TPD52L1: variants seen among roughly 807,000 people sequenced by gnomAD.
TPD52L1 encodes tumor protein D53.
In TPD52L1, 18 loss-of-function variants were observed where a neutral mutation model predicts 28.7. The observed-to-expected ratio is 0.63, with a 90% CI of 0.43 to 0.93. The LOEUF (loss-of-function observed/expected upper bound fraction) is 0.93. Ranked by LOEUF, TPD52L1 falls within the 40% of genes least tolerant of loss-of-function variation. The probability of loss-of-function intolerance (pLI) is 0.00; values close to 1 mark genes in which losing one functional copy is unlikely to be tolerated. For missense variants in TPD52L1, 203 were observed against 254.8 expected (o/e 0.80, Z 1.39); for synonymous variants, 75 against 88.8 (o/e 0.84, Z 0.88).
chr6:125,249,288 A>C (rs1797108469), intron 4 of TPD52L1, among the ~76,000 whole-genome samples: 1 of 151,984 alleles, frequency 6.6e-6, no homozygotes, highest in Non-Finnish European at 1.5e-5. Context: ...ATTCTTTAAA[A>C]ACTTTTCGAG....
intron 1 of TPD52L1, among the ~76,000 whole-genome samples, chr6:125,202,226 C>T (rs910549976): frequency 4.6e-5 from 7 of 152,022 alleles, no homozygotes; most frequent in Non-Finnish European, 1.0e-4. Flanking sequence ...TTTCTTTAAA[C>T]ATGCCTTGAA....
intron 1 of TPD52L1, among the ~76,000 whole-genome samples, chr6:125,214,666 C>A (rs941193712): frequency 2.6e-5 from 4 of 152,110 alleles, no homozygotes; most frequent in Non-Finnish European, 5.9e-5. Flanking sequence ...CTTTGTGTTT[C>A]TTTAACTTCT....
At chr6:125,235,510 G>A (rs1355041408) in intron 3 of TPD52L1, among the ~76,000 whole-genome samples, 1 of 152,202 alleles carries the variant, frequency 6.6e-6, no homozygotes, top group Non-Finnish European at 1.5e-5. Flanking sequence ...GGCCACATGT[G>A]ACCCATAGGC....
intron 3 of TPD52L1, among the ~76,000 whole-genome samples, chr6:125,239,455 A>AT (rs1796489368): frequency 6.6e-6 from 1 of 152,212 alleles, no homozygotes; most frequent in Non-Finnish European, 1.5e-5. Flanking sequence ...GAAAGAGAGA[A>AT]TGAGAGCCAA....
At chr6:125,250,617 A>G (rs967511524) in intron 4 of TPD52L1, among the ~76,000 whole-genome samples, 2 of 152,216 alleles carry the variant, frequency 1.3e-5, no homozygotes, top group African/African-American at 4.8e-5. Context: ...TATTTCATAA[A>G]GGCCCTGCTC....
chr6:125,226,824 G>T (rs1795638456), intron 2 of TPD52L1, among the ~76,000 whole-genome samples: 1 of 151,958 alleles, frequency 6.6e-6, no homozygotes, highest in Admixed American at 6.6e-5. Context: ...AGAAATATTG[G>T]GCAGCAGATT....
chr6:125,239,751 T>A (rs991063599), intron 3 of TPD52L1, among the ~76,000 whole-genome samples: 1 of 152,228 alleles, frequency 6.6e-6, no homozygotes, highest in Non-Finnish European at 1.5e-5. Context: ...GTTTGTCAGA[T>A]GCATAGTTTG....
chr6:125,179,170 A>C (rs1562229090), intron 1 of TPD52L1, among the ~76,000 whole-genome samples: 2 of 152,194 alleles, frequency 1.3e-5, no homozygotes, highest in Admixed American at 1.3e-4. Flanking sequence ...TGTGGACACA[A>C]TTTTCCCAGT....
intron 1 of TPD52L1, among the ~76,000 whole-genome samples, chr6:125,167,334 C>T (rs961638482): frequency 1.3e-5 from 2 of 152,050 alleles, no homozygotes; most frequent in Non-Finnish European, 2.9e-5. Context: ...CCTTTCAGCA[C>T]GCATCATTTG....
At chr6:125,172,528 A>ATATATATAT (rs1554202617) in intron 1 of TPD52L1, among the ~76,000 whole-genome samples, 5 of 83,464 alleles carry the variant, frequency 6.0e-5, no homozygotes, top group Non-Finnish European at 6.8e-5. Context: ...ATATATATAT[A>ATATATATAT]TATATATATA....
intron 4 of TPD52L1, among the ~76,000 whole-genome samples, chr6:125,251,134 G>GA (rs1266850105): frequency 2.0e-5 from 3 of 151,972 alleles, no homozygotes; most frequent in African/African-American, 2.4e-5. Context: ...CCTTAAATGG[G>GA]AAAAAATAGT....
At chr6:125,199,396 T>G (rs1177261618) in intron 1 of TPD52L1, among the ~76,000 whole-genome samples, 2 of 152,134 alleles carry the variant, frequency 1.3e-5, no homozygotes, top group African/African-American at 4.8e-5. Flanking sequence ...CAAATGAAAG[T>G]AAAAGAGGCC....
At chr6:125,253,425 G>C in intron 4 of TPD52L1, 1 of 441,694 alleles carries the variant, frequency 2.3e-6, no homozygotes. Context: ...ATGGGCTACT[G>C]GGCTCACCTG....
chr6:125,259,389 AAATTCT>A (rs1235172766), intron 6 of TPD52L1, among the ~76,000 whole-genome samples: 18 of 152,324 alleles, frequency 1.2e-4, no homozygotes, highest in Non-Finnish European at 2.2e-4. Context: ...TCTTTACACC[AAATTCT>A]GTAGTTTGTT....
intron 1 of TPD52L1, among the ~76,000 whole-genome samples, chr6:125,213,577 A>C (rs576937808): frequency 3.7e-4 from 57 of 152,218 alleles, no homozygotes; most frequent in African/African-American, 1.4e-3. Flanking sequence ...TGGTAACCCC[A>C]GCCCCTGATG....
At chr6:125,203,528 G>A (rs2114906146) in intron 1 of TPD52L1, 1 of 564,208 alleles carries the variant, frequency 1.8e-6, no homozygotes, top group Middle Eastern at 8.8e-4. Flanking sequence ...AATTGGAGGA[G>A]CTGAGGATAT....
At chr6:125,239,084 T>A (rs1411591786) in intron 3 of TPD52L1, among the ~76,000 whole-genome samples, 1 of 152,218 alleles carries the variant, frequency 6.6e-6, no homozygotes, top group Non-Finnish European at 1.5e-5. Context: ...TAGTTTACAT[T>A]CCCACCAGCA....
chr6:125,178,573 A>T (rs1204513554), intron 1 of TPD52L1, among the ~76,000 whole-genome samples: 1 of 152,164 alleles, frequency 6.6e-6, no homozygotes, highest in Non-Finnish European at 1.5e-5. Context: ...GTGAGCCAAG[A>T]TCACACCACT....
intron 2 of TPD52L1, among the ~76,000 whole-genome samples, chr6:125,227,714 T>G (rs1253390440): frequency 6.6e-6 from 1 of 152,242 alleles, no homozygotes; most frequent in East Asian, 1.9e-4. Context: ...CAATATGTTA[T>G]AGAGTATGAC....
Sources: allele counts gnomAD v4.1 joint callset (sites outside exome capture counted in the v4.1 genomes callset), GRCh38; gene constraint gnomAD v4.1.1; transcripts MANE v1.5; gene names NCBI Gene and HGNC (gene_info 2026-07-23, HGNC 2026-07-21).